MDGA2: variants seen among roughly 807,000 people sequenced by gnomAD.
The protein encoded by MDGA2 is MAM domain-containing glycosylphosphatidylinositol anchor protein 2.
A neutral mutation model predicts 117.8 loss-of-function variants in MDGA2; 40 were observed. That is an observed-to-expected ratio of 0.34 (90% CI 0.26 to 0.44). The LOEUF (loss-of-function observed/expected upper bound fraction) is 0.44. MDGA2 is among the 20% of genes least tolerant of loss of function. The pLI is 1.00. For synonymous variants in MDGA2, 452 were observed against 439.0 expected, an observed-to-expected ratio of 1.03 and a Z score of -0.37; for missense variants, 1,123 against 1,250.6, an observed-to-expected ratio of 0.90 and a Z score of 1.54.
At chr14:47,569,889 T>C (rs1416083871) in intron 1 of MDGA2, among the ~76,000 whole-genome samples, 6 of 152,288 alleles carry the variant, frequency 3.9e-5, no homozygotes, top group Non-Finnish European at 8.8e-5. Flanking sequence ...ATCTTAAGCA[T>C]GAGGAACTGT....
At chr14:47,263,331 T>A (rs1377167045) in intron 2 of MDGA2, among the ~76,000 whole-genome samples, 1 of 151,962 alleles carries the variant, frequency 6.6e-6, no homozygotes, top group East Asian at 1.9e-4. Flanking sequence ...CCATCCTCCA[T>A]CCCCAAAAGC....
At chr14:47,269,970 G>C (rs1249936852) in intron 2 of MDGA2, among the ~76,000 whole-genome samples, 1 of 152,094 alleles carries the variant, frequency 6.6e-6, no homozygotes, top group Non-Finnish European at 1.5e-5. Context: ...ATTATGACTT[G>C]ATTACTAACT....
intron 3 of MDGA2, among the ~76,000 whole-genome samples, chr14:47,171,960 G>A (rs1459395957): frequency 7.2e-5 from 11 of 152,130 alleles, no homozygotes; most frequent in East Asian, 1.9e-4. Flanking sequence ...GCGCTTTTCC[G>A]ACGGGCTTAA....
Position 47,218,152 on chromosome 14 carries a change from T to C in MDGA2, c.464A>G (p.Gln155Arg). 1 of 1,551,002 alleles carries C rather than the reference T, an allele frequency of 6.4e-7. No homozygotes were observed. Among genetic ancestry groups the C allele is most frequent in the Non-Finnish European group, 8.7e-7 (1 of 1,146,542 alleles). The part of the protein sequence containing the change: ...KTAGSASDRF[Q>R]DSSVFNETLR... ...AGTCTCATTGAAGACACTTGAGTCT[T>C]GGAATCTGTCAGAGGCACTTCCTGC... Residue 155 changes from glutamine to arginine, a missense_variant, in exon 3 of 17, where the codon CAA (glutamine) becomes CGA (arginine). By Grantham distance (43) the Gln-to-Arg change is conservative. This residue lies in a region of MDGA2 where 233 missense variants were observed against 200.3 expected (regional missense o/e 1.16). Transcript: ENST00000399232.
rs1184191323 is a variant in MDGA2 at position 47,217,924 on chromosome 14, T to C, written c.595+97A>G. The C allele has an allele frequency of 5.9e-6, 6 of 1,012,930 alleles. No homozygotes were observed. In the African/African-American group the frequency reaches 6.6e-5, roughly 11 times the overall value. The allele number at this position is 1,012,930 out of a possible 1,614,324, so 62.7% of individuals were successfully genotyped here. The stretch of plus-strand genomic sequence containing the variant: ...ATTTTACACAGTTTTCATTCTCAGC[T>C]AAACAGAACGCTATGGTTTTTCAGA... On this transcript the variant is annotated intron_variant, in intron 3 of 16. Transcript: ENST00000399232.
At chr14:46,854,943 A>C in intron 15 of MDGA2, 81 bp downstream of exon 15, 1 of 1,221,324 alleles carries the variant, frequency 8.2e-7, no homozygotes. Flanking sequence ...CTGAATATTC[A>C]TATTTTAATA....
intron 10 of MDGA2, among the ~76,000 whole-genome samples, chr14:46,895,682 G>A (rs1026939455): frequency 4.0e-5 from 6 of 151,552 alleles, no homozygotes; most frequent in East Asian, 1.9e-4. Flanking sequence ...AGCCGAGATC[G>A]CGCCAGTGCA....
At chr14:47,600,478 A>G (rs997815770) in intron 1 of MDGA2, among the ~76,000 whole-genome samples, 5 of 152,110 alleles carry the variant, frequency 3.3e-5, no homozygotes, top group African/African-American at 1.2e-4. Flanking sequence ...CCAGGAAAAT[A>G]GTCTAATACT....
chr14:47,597,196 T>TA (rs1217412584), intron 1 of MDGA2, among the ~76,000 whole-genome samples: 3 of 152,126 alleles, frequency 2.0e-5, no homozygotes, highest in African/African-American at 7.2e-5. Flanking sequence ...GTAATCGGTT[T>TA]AAAAAATCTA....
intron 1 of MDGA2, among the ~76,000 whole-genome samples, chr14:47,354,706 G>A (rs117642486): frequency 6.6e-6 from 1 of 152,232 alleles, no homozygotes; most frequent in East Asian, 1.9e-4. Flanking sequence ...AATCCACCTT[G>A]GTTGTGGTCA....
chr14:47,586,199 T>C (rs975465385), intron 1 of MDGA2, among the ~76,000 whole-genome samples: 3 of 151,928 alleles, frequency 2.0e-5, no homozygotes, highest in African/African-American at 7.2e-5. Flanking sequence ...AATTGGTGTA[T>C]AGCATTAACC....
At chr14:47,228,167 TAA>T in intron 2 of MDGA2, among the ~76,000 whole-genome samples, 1 of 151,442 alleles carries the variant, frequency 6.6e-6, no homozygotes, top group African/African-American at 2.4e-5. Context: ...ATCTTAGTTA[TAA>T]AAAAAAATAC....
At chr14:47,623,707 A>G (rs1362436817) in intron 1 of MDGA2, among the ~76,000 whole-genome samples, 2 of 152,214 alleles carry the variant, frequency 1.3e-5, no homozygotes, top group African/African-American at 4.8e-5. Flanking sequence ...AACTGAAAAA[A>G]AAAATATTGA....
At chr14:47,174,224 C>T (rs1230762026) in intron 3 of MDGA2, among the ~76,000 whole-genome samples, 1 of 152,114 alleles carries the variant, frequency 6.6e-6, no homozygotes, top group African/African-American at 2.4e-5. Flanking sequence ...CCATTGTCAA[C>T]ATTAGACAGA....
intron 14 of MDGA2, among the ~76,000 whole-genome samples, chr14:46,866,589 C>T (rs1274733181): frequency 1.1e-4 from 17 of 151,932 alleles, no homozygotes; most frequent in African/African-American, 3.4e-4. Context: ...GAAACTACCA[C>T]CAGAGTGAAC....
At chr14:47,598,099 C>A (rs1566534078) in intron 1 of MDGA2, among the ~76,000 whole-genome samples, 1 of 152,104 alleles carries the variant, frequency 6.6e-6, no homozygotes, top group Non-Finnish European at 1.5e-5. Context: ...CAATGCAAAC[C>A]AGAGCCACAA....
intron 8 of MDGA2, among the ~76,000 whole-genome samples, chr14:47,003,159 T>C (rs1024195743): frequency 3.3e-5 from 5 of 152,180 alleles, no homozygotes; most frequent in Admixed American, 6.6e-5. Flanking sequence ...TTGAGATTCA[T>C]ATGTGTTGTT....
chr14:47,446,883 C>T (rs575830400), intron 1 of MDGA2, among the ~76,000 whole-genome samples: 7 of 152,174 alleles, frequency 4.6e-5, no homozygotes, highest in Non-Finnish European at 1.0e-4. Context: ...TTTCAGCCCC[C>T]CTCTATTGCA....
intron 5 of MDGA2, among the ~76,000 whole-genome samples, chr14:47,116,187 C>T (rs962628014): frequency 9.2e-5 from 14 of 151,666 alleles, no homozygotes; most frequent in African/African-American, 3.4e-4. Context: ...AATTAAATAC[C>T]TGGGAATAAG....
Sources: gnomAD v4.1 joint callset for allele counts (sites outside exome capture counted in the v4.1 genomes callset) on GRCh38, gnomAD v4.1.1 for gene constraint, gnomAD v4.1.1 regional missense constraint, MANE v1.5 for transcripts, NCBI Gene and HGNC (gene_info 2026-07-23, HGNC 2026-07-21) for gene names.